The following SLC9B2 variants were observed in gnomAD, a reference collection of about 807,000 sequenced individuals.
SLC9B2 encodes the protein solute carrier family 9 member B2, also known as sodium/hydrogen exchanger 9B2.
A neutral mutation model predicts 52.2 loss-of-function variants in SLC9B2; 39 were observed. The ratio of observed to expected loss-of-function variants is 0.75; its 90% CI spans 0.58 to 0.98. The LOEUF is 0.98. Ranked by LOEUF, SLC9B2 falls within the 50% of genes least tolerant of loss-of-function variation. SLC9B2 has a pLI of 0.00. For synonymous variants in SLC9B2, 214 were observed against 227.0 expected (o/e 0.94, Z 0.51); for missense variants, 626 against 637.5 (o/e 0.98, Z 0.19).
rs1046911888 is a variant in SLC9B2 at position 103,026,122 on chromosome 4, T to C, written c.*248A>G. 7.9e-6 allele frequency: 3 copies of C among 378,290 alleles called. No individual in the cohort carries two copies. Among genetic ancestry groups the C allele is most frequent in the Non-Finnish European group, 1.4e-5 (3 of 210,300 alleles). 23.4% of individuals were successfully genotyped at this position (378,290 alleles called of 1,614,324 possible). A position where few individuals can be genotyped will look rare whatever the true frequency, so the allele number is the denominator to read the frequency against. ...AACTGTGGTAGTACATTAAAGTAGA[T>C]ATGTCCTTATGCAAATTAAGATGGA... On this transcript the variant is annotated 3_prime_UTR_variant, in exon 12 of 12. Coordinates refer to ENST00000394785, the MANE Select transcript of SLC9B2 (RefSeq NM_178833.7).
intron 3 of SLC9B2, among the ~76,000 whole-genome samples, chr4:103,060,663 G>C (rs1745560350): frequency 6.9e-6 from 1 of 144,996 alleles, no homozygotes; most frequent in Non-Finnish European, 1.5e-5. Flanking sequence ...TTTTTAGTTT[G>C]TCTTTTGCAA....
At chr4:103,053,531 G>A (rs59855439) in intron 4 of SLC9B2, among the ~76,000 whole-genome samples, 1 of 152,074 alleles carries the variant, frequency 6.6e-6, no homozygotes, top group Non-Finnish European at 1.5e-5. Context: ...TAGGCATGGA[G>A]TGAAAAAAAG....
Position 103,049,032 on chromosome 4 carries a change from A to G in SLC9B2, c.586-12T>C. 1 of 1,612,120 alleles carries G rather than the reference A, an allele frequency of 6.2e-7. No individual in the cohort carries two copies. The highest frequency in any genetic ancestry group is 1.1e-5 in the South Asian group (1 of 90,698). On this transcript the variant is annotated splice_polypyrimidine_tract_variant and intron_variant, in intron 5 of 11. Transcript: ENST00000394785. Reference sequence around the variant, plus strand: ...AACTTCTTCAGGGCCTGAAATAGAAAAGTAGACATCCTAATATAATCCTCT... The same window carrying G: ...AACTTCTTCAGGGCCTGAAATAGAAGAGTAGACATCCTAATATAATCCTCT...
intron 2 of SLC9B2, among the ~76,000 whole-genome samples, chr4:103,067,035 A>G (rs1394033205): frequency 6.6e-6 from 1 of 152,038 alleles, no homozygotes. Context: ...AGCATTTCAG[A>G]TAAGGGATAT....
intron 5 of SLC9B2, among the ~76,000 whole-genome samples, chr4:103,049,320 G>C (rs1744453431): frequency 6.6e-6 from 1 of 152,086 alleles, no homozygotes; most frequent in African/African-American, 2.4e-5. Flanking sequence ...TGAGTGATGG[G>C]GCCAGGTTTG....
At chr4:103,072,054 A>ATTTTTT (rs1375668319) in intron 1 of SLC9B2, among the ~76,000 whole-genome samples, 1 of 62,484 alleles carries the variant, frequency 1.6e-5, no homozygotes. Flanking sequence ...TTTGGCTTTC[A>ATTTTTT]TGTTTTTTTT....
At position 103,026,519 on chromosome 4, in the gene SLC9B2, C is replaced by A; in HGVS notation, c.1465G>T (p.Asp489Tyr). Residue 489 changes from aspartate to tyrosine, a missense_variant, in exon 12 of 12, where the codon GAT (aspartate) becomes TAT (tyrosine). Physicochemically the swap from Asp to Tyr is radical, Grantham distance 160 (BLOSUM62 -3). Transcript: ENST00000394785. ...GEKQLEDYGM[D>Y]VLTVAFLSIL... ...GACAAAAATGCCACTGTCAACACAT[C>A]CATTCCATAGTCTTCTAATTGTTTC... 1 of 1,613,922 alleles carries A rather than the reference C, an allele frequency of 6.2e-7. No individual in the cohort carries two copies. Among genetic ancestry groups the A allele is most frequent in the Non-Finnish European group, 8.5e-7 (1 of 1,179,880 alleles).
At chr4:103,063,277 T>C (rs1745827989) in intron 3 of SLC9B2, among the ~76,000 whole-genome samples, 1 of 152,222 alleles carries the variant, frequency 6.6e-6, no homozygotes, top group Non-Finnish European at 1.5e-5. Flanking sequence ...GATTCTGGTT[T>C]TCTGTACATG....
Position 103,026,425 on chromosome 4 carries a change from A to G in SLC9B2, c.1559T>C (p.Val520Ala), listed in dbSNP as rs748380969. 3 of 1,613,814 alleles carry G rather than the reference A, an allele frequency of 1.9e-6. No individual in the cohort carries two copies. Among genetic ancestry groups the G allele is most frequent in the African/African-American group, 1.3e-5 (1 of 75,004 alleles). ...TTCTTCATCTTTATTTTGATGTTCA[A>G]CTTTCTGCAGAAGCCTGGGGCCCAG... ...GLLGPRLLQK[V>A]EHQNKDEEVQ... Residue 520 changes from valine to alanine, a missense_variant, in exon 12 of 12, where the codon GTT becomes GCT. By Grantham distance (64) the Val-to-Ala change is moderately conservative (BLOSUM62 0). Coordinates refer to ENST00000394785, the MANE Select transcript of SLC9B2 (RefSeq NM_178833.7).
chr4:103,041,411 G>A (rs995824118), intron 9 of SLC9B2, among the ~76,000 whole-genome samples: 3 of 152,240 alleles, frequency 2.0e-5, no homozygotes, highest in East Asian at 1.9e-4. Context: ...CAATGGTTTG[G>A]TTTATAAGAA....
At chr4:103,062,364 A>T (rs1745730315) in intron 3 of SLC9B2, among the ~76,000 whole-genome samples, 2 of 151,712 alleles carry the variant, frequency 1.3e-5, no homozygotes, top group South Asian at 4.2e-4. Flanking sequence ...GCTTGCAGTG[A>T]GCCGAGATCG....
chr4:103,046,946 T>C (rs1744193526), intron 7 of SLC9B2, 105 bp downstream of exon 7: 4 of 1,338,152 alleles, frequency 3.0e-6, no homozygotes, highest in Non-Finnish European at 4.1e-6. Flanking sequence ...TGCCTATTTT[T>C]AATTTGCCTT....
intron 1 of SLC9B2, among the ~76,000 whole-genome samples, chr4:103,074,293 A>G (rs1560564769): frequency 6.6e-5 from 10 of 152,186 alleles, no homozygotes; most frequent in Admixed American, 4.6e-4. Flanking sequence ...ACCTTCAAAC[A>G]TCTTCATGTA....
downstream of SLC9B2, among the ~76,000 whole-genome samples, chr4:103,021,365 T>A (rs184070259): frequency 6.6e-6 from 1 of 152,142 alleles, no homozygotes; most frequent in Non-Finnish European, 1.5e-5. Context: ...CCAAATGCCA[T>A]GAAGCAATTC....
At chr4:103,029,898 A>C (rs549936071) in intron 10 of SLC9B2, among the ~76,000 whole-genome samples, 11 of 152,310 alleles carry the variant, frequency 7.2e-5, no homozygotes, top group African/African-American at 2.4e-4. Flanking sequence ...CTCAAATTCA[A>C]AGGGCGGGTA....
At chr4:103,069,014 CA>C (rs1301252071) in intron 1 of SLC9B2, among the ~76,000 whole-genome samples, 2 of 151,854 alleles carry the variant, frequency 1.3e-5, no homozygotes, top group Non-Finnish European at 2.9e-5. Context: ...AGTCCCATCT[CA>C]AAAAAACCTT....
At position 103,067,577 on chromosome 4, in the gene SLC9B2, G is replaced by C. The variant is rs767665743; in HGVS notation, c.-27C>G. 1 of 1,530,918 alleles carries C rather than the reference G, an allele frequency of 6.5e-7. No homozygotes were observed. Among genetic ancestry groups the C allele is most frequent in the South Asian group, 1.1e-5 (1 of 89,396 alleles). 94.8% of individuals were successfully genotyped at this position (1,530,918 alleles called of 1,614,324 possible). ...ATTTATAATTAAGAAGATGACACAGGGAAGAGGAACGAGATCTGTTTTGAA... is the reference window on the plus strand; with the variant it reads ...ATTTATAATTAAGAAGATGACACAGCGAAGAGGAACGAGATCTGTTTTGAA... On this transcript the variant is annotated 5_prime_UTR_variant, in exon 2 of 12. Coordinates refer to ENST00000394785, the MANE Select transcript of SLC9B2 (RefSeq NM_178833.7).
chr4:103,070,631 G>A (rs1034771452), intron 1 of SLC9B2, among the ~76,000 whole-genome samples: 1 of 152,028 alleles, frequency 6.6e-6, no homozygotes, highest in Non-Finnish European at 1.5e-5. Flanking sequence ...TAGTAGAGAT[G>A]GGTTTTCGCC....
intron 1 of SLC9B2, among the ~76,000 whole-genome samples, chr4:103,075,415 C>T (rs1747033464): frequency 1.3e-5 from 2 of 152,294 alleles, no homozygotes; most frequent in South Asian, 2.1e-4. Flanking sequence ...CTCACAAAGC[C>T]TTAACAAGTT....
Sources: allele counts gnomAD v4.1 joint callset (sites outside exome capture counted in the v4.1 genomes callset), GRCh38; gene constraint gnomAD v4.1.1; transcripts MANE v1.5; gene names NCBI Gene and HGNC (gene_info 2026-07-23, HGNC 2026-07-21).